BABAM2: variants seen among roughly 807,000 people sequenced by gnomAD.
BABAM2 encodes BRISC and BRCA1-A complex member 2.
BABAM2 carries 31 observed loss-of-function variants against 54.7 expected under a neutral mutation model. The ratio of observed to expected loss-of-function variants is 0.57; its 90% CI spans 0.43 to 0.77. The LOEUF is 0.77. BABAM2 is among the 30% of genes least tolerant of loss of function. The pLI, the probability that BABAM2 is intolerant of heterozygous loss-of-function variation, is 0.00. For synonymous variants in BABAM2, 167 were observed against 162.9 expected (o/e 1.03, Z -0.19); for missense variants, 364 against 455.8 (o/e 0.80, Z 1.83).
chr2:27,894,710 A>G (rs1401791492), intron 2 of BABAM2, 26 bp downstream of exon 2: 4 of 1,613,528 alleles, frequency 2.5e-6, no homozygotes, highest in East Asian at 2.2e-5. Context: ...AATTCAGTCA[A>G]TGTACCAGAA....
At chr2:27,906,060 A>C (rs1666168070) in intron 2 of BABAM2, among the ~76,000 whole-genome samples, 1 of 152,212 alleles carries the variant, frequency 6.6e-6, no homozygotes, top group African/African-American at 2.4e-5. Flanking sequence ...AAGCCTCTTA[A>C]GATAGATAAT....
chr2:28,185,580 A>AT (rs1325732728), intron 7 of BABAM2, among the ~76,000 whole-genome samples: 2 of 152,028 alleles, frequency 1.3e-5, no homozygotes, highest in African/African-American at 2.4e-5. Context: ...ATCTCGATGC[A>AT]TTTTTTTGTA....
At chr2:28,229,402 A>G (rs961786811) in intron 7 of BABAM2, among the ~76,000 whole-genome samples, 2 of 152,212 alleles carry the variant, frequency 1.3e-5, no homozygotes, top group Admixed American at 6.5e-5. Flanking sequence ...GAGGAAAAGC[A>G]CTTAATACAG....
chr2:28,126,839 T>G (rs12618790), intron 6 of BABAM2, among the ~76,000 whole-genome samples: 1 of 148,688 alleles, frequency 6.7e-6, no homozygotes, highest in Non-Finnish European at 1.5e-5. Context: ...GCCATTCTAA[T>G]TGGTGTGAGA....
Position 28,065,628 on chromosome 2 carries a change from T to C in BABAM2, c.570+19829T>C, listed in dbSNP as rs565984224. On this transcript the variant is annotated intron_variant, in intron 6 of 11. Transcript: ENST00000379624. ...CGCTAAGCTATAGATAGGTTTTGTG[T>C]AGTTTTCCATATTTGTATTTTATTT... 3.2e-4 allele frequency among the ~76,000 whole-genome samples: 49 copies of C among 152,356 alleles called. 1 individual carries two copies. The highest frequency in any genetic ancestry group is 1.1e-3 in the African/African-American group (47 of 41,594).
chr2:28,026,805 AATAT>A lies in BABAM2; in HGVS notation c.495+1389_495+1392del, dbSNP rs1269217781. On this transcript the variant is annotated intron_variant, in intron 5 of 11. Coordinates refer to ENST00000379624, the MANE Select transcript of BABAM2 (RefSeq NM_199191.3). Reference sequence around the variant, plus strand: ...AATATAAATATATATTTATATAAAAAATATATAAATATATATTTATATATATAAA... The same window carrying A: ...AATATAAATATATATTTATATAAAAAATAAATATATATTTATATATATAAA... Among the ~76,000 whole-genome samples the A allele has an allele frequency of 2.6e-5, 2 of 76,554 alleles. 1 individual carries two copies. Among genetic ancestry groups the A allele is most frequent in the African/African-American group, 1.1e-4 (2 of 17,838 alleles). The allele number at this position is 76,554 out of a possible 152,430, so 50.2% of individuals were successfully genotyped here.
chr2:28,185,131 G>A (rs1426651464), intron 7 of BABAM2, among the ~76,000 whole-genome samples: 1 of 152,108 alleles, frequency 6.6e-6, no homozygotes, highest in Non-Finnish European at 1.5e-5. Flanking sequence ...CATAAAGGCA[G>A]GTACATAAGA....
chr2:28,068,630 A>G (rs1663841404), intron 6 of BABAM2, among the ~76,000 whole-genome samples: 1 of 152,224 alleles, frequency 6.6e-6, no homozygotes, highest in Non-Finnish European at 1.5e-5. Context: ...TAACTACAAA[A>G]GATTATGATT....
At chr2:28,337,427 A>G (rs1458428058) in intron 11 of BABAM2, among the ~76,000 whole-genome samples, 1 of 152,154 alleles carries the variant, frequency 6.6e-6, no homozygotes, top group Admixed American at 6.5e-5. Context: ...GCGTGATCCC[A>G]TGGCTGGGTC....
At chr2:28,146,303 C>A (rs1350793472) in intron 7 of BABAM2, among the ~76,000 whole-genome samples, 1 of 152,106 alleles carries the variant, frequency 6.6e-6, no homozygotes, top group African/African-American at 2.4e-5. Flanking sequence ...GTTGAAGTTC[C>A]TCTTGGCTAG....
intron 2 of BABAM2, among the ~76,000 whole-genome samples, chr2:27,916,404 G>A (rs1395691574): frequency 6.6e-6 from 1 of 152,090 alleles, no homozygotes; most frequent in Non-Finnish European, 1.5e-5. Flanking sequence ...CTTGGCCCTG[G>A]GGATCTCTTA....
chr2:28,214,309 T>A (rs1180073734), intron 7 of BABAM2, among the ~76,000 whole-genome samples: 2 of 152,196 alleles, frequency 1.3e-5, no homozygotes, highest in Non-Finnish European at 2.9e-5. Flanking sequence ...GTATTTGCAT[T>A]ATATTTAGGT....
At chr2:27,889,311 A>G (rs1262137058), upstream of BABAM2, among the ~76,000 whole-genome samples, 1 of 152,154 alleles carries the variant, frequency 6.6e-6, no homozygotes, top group African/African-American at 2.4e-5. Context: ...CACGTTCTCT[A>G]TTACCCTTTG....
At chr2:28,022,008 G>A (rs988884212) in intron 4 of BABAM2, among the ~76,000 whole-genome samples, 53 of 152,318 alleles carry the variant, frequency 3.5e-4, no homozygotes, top group African/African-American at 1.3e-3. Flanking sequence ...GCTAGGCCTT[G>A]AAACTACTAT....
chr2:28,134,059 G>A (rs911254060), intron 7 of BABAM2, among the ~76,000 whole-genome samples: 1 of 151,894 alleles, frequency 6.6e-6, no homozygotes, highest in Non-Finnish European at 1.5e-5. Flanking sequence ...GAAGAACTTT[G>A]TGTTCTTGCA....
chr2:28,284,654 T>C (rs1326475178), intron 10 of BABAM2, among the ~76,000 whole-genome samples: 1 of 152,172 alleles, frequency 6.6e-6, no homozygotes, highest in African/African-American at 2.4e-5. Flanking sequence ...GATTGTAGAA[T>C]TAAAAATGAA....
intron 7 of BABAM2, among the ~76,000 whole-genome samples, chr2:28,206,843 C>G (rs988974176): frequency 1.3e-5 from 2 of 152,218 alleles, no homozygotes; most frequent in Non-Finnish European, 2.9e-5. Context: ...ACTACTCTTA[C>G]AAGTCCTTGC....
chr2:28,223,325 A>C (rs1373152382), intron 7 of BABAM2, among the ~76,000 whole-genome samples: 1 of 152,140 alleles, frequency 6.6e-6, no homozygotes, highest in African/African-American at 2.4e-5. Context: ...GCAGAGGGGG[A>C]CAGTGCCCCC....
chr2:28,314,091 G>A (rs866430857), intron 11 of BABAM2, among the ~76,000 whole-genome samples: 7 of 152,148 alleles, frequency 4.6e-5, no homozygotes, highest in Admixed American at 1.3e-4. Flanking sequence ...GCAAGATCAC[G>A]TATTTTCTCA....
Sources: gnomAD v4.1 joint callset for allele counts (sites outside exome capture counted in the v4.1 genomes callset) on GRCh38, gnomAD v4.1.1 for gene constraint, MANE v1.5 for transcripts, NCBI Gene and HGNC (gene_info 2026-07-23, HGNC 2026-07-21) for gene names.